Variants in SRGAP2 observed in about 807,000 individuals in gnomAD.
SRGAP2 encodes SLIT-ROBO Rho GTPase-activating protein 2.
A neutral mutation model predicts 57.2 loss-of-function variants in SRGAP2; 15 were observed. That is an observed-to-expected ratio of 0.26 (90% CI 0.18 to 0.40). SRGAP2 has a LOEUF of 0.40. Among genes scored for constraint, SRGAP2 ranks in the 10% least tolerant of loss-of-function variants. SRGAP2 has a pLI of 1.00. For synonymous variants in SRGAP2, 249 were observed against 248.0 expected (o/e 1.00, Z -0.04); for missense variants, 520 against 669.6 (o/e 0.78, Z 2.47).
intron 13 of SRGAP2, 76 bp from the exon 14 acceptor site, chr1:206,430,086 G>A (rs1436022255): frequency 1.3e-6 from 1 of 775,558 alleles, no homozygotes; most frequent in African/African-American, 1.7e-5. Context: ...GTTCTGCACG[G>A]TTTGGCCCGT....
intron 19 of SRGAP2, among the ~76,000 whole-genome samples, chr1:206,451,443 T>C (rs1436635402): frequency 6.6e-6 from 1 of 152,126 alleles, no homozygotes; most frequent in Non-Finnish European, 1.5e-5. Context: ...ACATGGGCTC[T>C]GGAAGTCTCA....
chr1:206,390,973 G>A lies in SRGAP2; in HGVS notation c.487-1716G>A, dbSNP rs556217737. On this transcript the variant is annotated intron_variant, in intron 5 of 22. Coordinates refer to ENST00000573034, the MANE Select transcript of SRGAP2 (RefSeq NM_015326.5). ...TTCTTTCATCTGCCTCTAGCTGATC[G>A]TAGGGGCTAGATTAGTATACCCACA... Among the ~76,000 whole-genome samples the A allele has an allele frequency of 5.3e-5, 8 of 152,242 alleles. No individual in the cohort carries two copies. The East Asian group carries it at 5.8e-4, about 11-fold the overall frequency.
At chr1:206,359,798 CTTT>C (rs1166916482) in intron 4 of SRGAP2, among the ~76,000 whole-genome samples, 8 of 70,212 alleles carry the variant, frequency 1.1e-4, no homozygotes, top group African/African-American at 4.1e-4. Flanking sequence ...GGATATTGCT[CTTT>C]TTTTTTTTTT....
chr1:206,452,885 C>CA (rs1166978056), intron 19 of SRGAP2, among the ~76,000 whole-genome samples: 19,183 of 59,304 alleles, frequency 0.32, 1,168 homozygotes, highest in East Asian at 0.47. Flanking sequence ...GACTCCATCC[C>CA]AAAAAAAAAA....
intron 2 of SRGAP2, among the ~76,000 whole-genome samples, chr1:206,283,691 G>C (rs1334796063): frequency 6.7e-6 from 1 of 148,640 alleles, no homozygotes; most frequent in Non-Finnish European, 1.5e-5. Flanking sequence ...AAAAAAAAAT[G>C]AACTTCTTTC....
chr1:206,422,085 G>A (rs12060726), intron 13 of SRGAP2, among the ~76,000 whole-genome samples: 12,969 of 152,254 alleles, frequency 0.085, 1,502 homozygotes, highest in African/African-American at 0.26. Context: ...GCTCAGAAAT[G>A]TCTTTGTGTC....
chr1:206,283,240 T>C (rs1670830436), intron 2 of SRGAP2, among the ~76,000 whole-genome samples: 1 of 151,124 alleles, frequency 6.6e-6, no homozygotes, highest in African/African-American at 2.4e-5. Flanking sequence ...CTTTTTACAT[T>C]GCAATTACTT....
chr1:206,361,755 T>TATTTA (rs1481115671), intron 4 of SRGAP2, among the ~76,000 whole-genome samples: 6 of 126,590 alleles, frequency 4.7e-5, no homozygotes, highest in Admixed American at 1.7e-4. Flanking sequence ...TTGGCTTTGT[T>TATTTA]ATTTAATTTA....
chr1:206,383,688 T>C (rs1445364997), intron 4 of SRGAP2, among the ~76,000 whole-genome samples: 2 of 147,960 alleles, frequency 1.4e-5, no homozygotes, highest in Non-Finnish European at 2.9e-5. Context: ...AGAAACCGTG[T>C]TCCACCTAAC....
intron 2 of SRGAP2, among the ~76,000 whole-genome samples, chr1:206,301,094 C>A (rs1420551926): frequency 1.7e-4 from 26 of 152,134 alleles, no homozygotes; most frequent in African/African-American, 6.3e-4. Context: ...TGCAGTGGTG[C>A]GATCTCTGCT....
chr1:206,378,621 GATTGTAAATGCACCA>G (rs1386073874), intron 4 of SRGAP2, among the ~76,000 whole-genome samples: 2 of 152,224 alleles, frequency 1.3e-5, no homozygotes, highest in South Asian at 2.1e-4. Flanking sequence ...CTAGCTAGAG[GATTGTAAATGCACCA>G]ATCAGCACTC....
chr1:206,428,056 C>T (rs35564435), intron 13 of SRGAP2, among the ~76,000 whole-genome samples: 39 of 152,214 alleles, frequency 2.6e-4, no homozygotes, highest in East Asian at 1.9e-4. Context: ...GAGCTATGAT[C>T]GCACCACTGC....
At position 206,347,331 on chromosome 1, in the gene SRGAP2, G is replaced by A. The variant is rs559886610; in HGVS notation, c.423+4323G>A. Among the ~76,000 whole-genome samples the A allele has an allele frequency of 1.5e-4, 23 of 151,866 alleles. No homozygotes were observed. In the East Asian group the frequency reaches 1.9e-3, roughly 13 times the overall value. ...GGTGGCTCACGCCTGTAATCGCAGC[G>A]CTTTGGGAGGCCAAGGTGGGCAGAT... On this transcript the variant is annotated intron_variant, in intron 4 of 22. Coordinates refer to ENST00000573034, the MANE Select transcript of SRGAP2 (RefSeq NM_015326.5).
At chr1:206,404,841 A>G (rs1317707574) in intron 8 of SRGAP2, 1 of 156,072 alleles carries the variant, frequency 6.4e-6, no homozygotes, top group South Asian at 1.9e-4. Context: ...CTCCTGACCC[A>G]CTTCTCTCCT....
chr1:206,254,828 G>A (rs1202706161), intron 2 of SRGAP2, among the ~76,000 whole-genome samples: 16 of 151,650 alleles, frequency 1.1e-4, no homozygotes, highest in Admixed American at 1.0e-3. Flanking sequence ...TCAACAGATC[G>A]AAAACCACCA....
At chr1:206,226,885 G>A (rs1415963173) in intron 2 of SRGAP2, among the ~76,000 whole-genome samples, 3 of 151,904 alleles carry the variant, frequency 2.0e-5, no homozygotes, top group Non-Finnish European at 4.4e-5. Flanking sequence ...AGATGAACAC[G>A]CACCTTCCTC....
intron 18 of SRGAP2, among the ~76,000 whole-genome samples, chr1:206,449,878 G>C (rs999717542): frequency 1.3e-5 from 2 of 152,298 alleles, no homozygotes; most frequent in South Asian, 4.2e-4. Flanking sequence ...TCCTCACACA[G>C]CTGAGGATAT....
chr1:206,382,542 AG>A (rs1558368839), intron 4 of SRGAP2, among the ~76,000 whole-genome samples: 3 of 151,140 alleles, frequency 2.0e-5, no homozygotes. Flanking sequence ...TTGTAAAACT[AG>A]AAAAGATTAG....
chr1:206,332,658 A>G (rs1454578136), intron 3 of SRGAP2, among the ~76,000 whole-genome samples: 1 of 143,904 alleles, frequency 6.9e-6, no homozygotes, highest in African/African-American at 2.9e-5. Context: ...TTTCAGCTCC[A>G]TCAGCTCCTT....
Sources: gnomAD v4.1 joint callset for allele counts (sites outside exome capture counted in the v4.1 genomes callset) on GRCh38, gnomAD v4.1.1 for gene constraint, MANE v1.5 for transcripts, NCBI Gene and HGNC (gene_info 2026-07-23, HGNC 2026-07-21) for gene names.